MACF1: variants seen among roughly 807,000 people sequenced by gnomAD.
MACF1 encodes microtubule-actin cross-linking factor 1.
MACF1 carries 193 observed loss-of-function variants against 854.8 expected under a neutral mutation model. The ratio of observed to expected loss-of-function variants is 0.23; its 90% CI spans 0.20 to 0.25. The LOEUF (loss-of-function observed/expected upper bound fraction) is 0.25. Among genes scored for constraint, MACF1 ranks in the 10% least tolerant of loss-of-function variants. The pLI, the probability that MACF1 is intolerant of heterozygous loss-of-function variation, is 1.00. For missense variants in MACF1, 7,722 were observed against 8,929.1 expected (o/e 0.86, Z 5.45); for synonymous variants, 3,185 against 3,226.7 (o/e 0.99, Z 0.44).
chr1:39,251,857 G>T lies in MACF1; in HGVS notation c.273G>T (p.Gly91=), dbSNP rs769106645. The T allele has an allele frequency of 6.7e-7, 1 of 1,485,586 alleles. No homozygotes were observed. The highest frequency in any genetic ancestry group is 1.3e-5 in the South Asian group (1 of 76,288). The allele number at this position is 1,485,586 out of a possible 1,614,324, so 92.0% of individuals were successfully genotyped here. ...VLSGIKLEPA[G]LKTLRLVSMP... is the part of the protein sequence containing the mutation. ...GTTGGTGGCCAAAGGAGCCAGCAGG[G>T]CTGAAGACCCTCCGTCTGGTGAGCA... The change falls in exon 4 of 101, where the codon GGG becomes GGT. Residue 91 remains glycine, a synonymous_variant. Coordinates refer to ENST00000564288, the MANE Select transcript of MACF1 (RefSeq NM_001394062.1).
intron 5 of MACF1, among the ~76,000 whole-genome samples, chr1:39,257,205 T>C (rs879536169): frequency 7.2e-5 from 11 of 152,224 alleles, no homozygotes; most frequent in Non-Finnish European, 7.3e-5. Context: ...CATATCTCTA[T>C]AATGGAATAC....
rs532561563 is a variant in MACF1 at position 39,334,173 on chromosome 1, G to A, written c.7585G>A (p.Glu2529Lys). ...DNAFRHGLIGEDLAEKLKRVE... is the reference protein window; with the variant it reads ...DNAFRHGLIGKDLAEKLKRVE... ...TGCCTTCAGACATGGCTTAATTGGT[G>A]AAGATTTAGCCGAGAAACTCAAAAG... Residue 2529 changes from glutamate to lysine, a missense_variant, in exon 37 of 101, where the codon GAA (glutamate) becomes AAA (lysine). Transcript: ENST00000564288. The A allele has an allele frequency of 3.7e-6, 6 of 1,614,070 alleles. No homozygotes were observed. The South Asian group carries it at 4.4e-5, about 12-fold the overall frequency.
At chr1:39,163,236 A>G (rs1571119989) in intron 2 of MACF1, among the ~76,000 whole-genome samples, 1 of 150,830 alleles carries the variant, frequency 6.6e-6, no homozygotes, top group East Asian at 2.0e-4. Context: ...CTGTAGTCCC[A>G]GCTCCTCAGG....
At chr1:39,173,675 A>G (rs1475846995) in intron 2 of MACF1, among the ~76,000 whole-genome samples, 2 of 152,112 alleles carry the variant, frequency 1.3e-5, no homozygotes, top group African/African-American at 4.8e-5. Flanking sequence ...CCAGACCTAG[A>G]CCCTGGAGTT....
intron 2 of MACF1, among the ~76,000 whole-genome samples, chr1:39,233,931 C>T (rs1393988083): frequency 2.8e-5 from 4 of 145,316 alleles, no homozygotes; most frequent in African/African-American, 5.0e-5. Context: ...GCAGAGGACC[C>T]TGCGGCCTTC....
At chr1:39,117,596 C>T (rs1171593842) in intron 2 of MACF1, among the ~76,000 whole-genome samples, 2 of 150,712 alleles carry the variant, frequency 1.3e-5, no homozygotes. Context: ...TGTGGCTTCA[C>T]CTGTTGCCAT....
chr1:39,382,402 G>A (rs1023332651), intron 56 of MACF1, among the ~76,000 whole-genome samples: 1 of 151,982 alleles, frequency 6.6e-6, no homozygotes, highest in Non-Finnish European at 1.5e-5. Context: ...TGACTAAATT[G>A]TGGAATTACA....
chr1:39,355,153 C>G (rs1438974823), intron 44 of MACF1, among the ~76,000 whole-genome samples: 2 of 152,160 alleles, frequency 1.3e-5, no homozygotes, highest in Non-Finnish European at 2.9e-5. Context: ...GGATTTCTGC[C>G]TCTTGCATGA....
intron 2 of MACF1, among the ~76,000 whole-genome samples, chr1:39,247,094 ACGGAGTTT>A (rs1644990038): frequency 1.3e-5 from 1 of 77,368 alleles, no homozygotes; most frequent in Non-Finnish European, 2.4e-5. Context: ...TTTTTTTGAG[ACGGAGTTT>A]CGCTCTGTTG....
chr1:39,370,508 A>G (rs1043754391), intron 51 of MACF1, among the ~76,000 whole-genome samples: 3 of 152,222 alleles, frequency 2.0e-5, no homozygotes, highest in African/African-American at 7.2e-5. Flanking sequence ...GTTGGAAGGT[A>G]CCTTCAAGGA....
chr1:39,273,707 C>T (rs1012133217), intron 6 of MACF1, among the ~76,000 whole-genome samples: 7 of 152,244 alleles, frequency 4.6e-5, no homozygotes, highest in Admixed American at 2.6e-4. Flanking sequence ...ACGCCATTCT[C>T]CTGCCTCAGA....
Position 39,361,018 on chromosome 1 carries a change from AAGAGCTAGCATAGAGG to A in MACF1, c.12453+18_12453+33del, listed in dbSNP as rs764555087. ...ACAAATATGGTAAGATCTGTGTCCC[AAGAGCTAGCATAGAGG>A]GTATGTTTGCTATGTGCCATCATTA... On this transcript the variant is annotated intron_variant, in intron 48 of 100. Transcript: ENST00000564288. 1 of 1,606,488 alleles carries A rather than the reference AAGAGCTAGCATAGAGG, an allele frequency of 6.2e-7. No individual in the cohort carries two copies. Among genetic ancestry groups the A allele is most frequent in the South Asian group, 1.1e-5 (1 of 90,908 alleles).
At chr1:39,107,308 G>A (rs12744657) in intron 2 of MACF1, among the ~76,000 whole-genome samples, 2 of 152,038 alleles carry the variant, frequency 1.3e-5, no homozygotes, top group African/African-American at 4.8e-5. Context: ...GCTTGTTCCA[G>A]GAGAGACCTC....
chr1:39,463,174 A>G (rs1186701302), intron 93 of MACF1, among the ~76,000 whole-genome samples: 1 of 152,226 alleles, frequency 6.6e-6, no homozygotes, highest in East Asian at 1.9e-4. Flanking sequence ...GTATATGTCA[A>G]AAGCCTGAAA....
rs543765268 is a variant in MACF1 at position 39,244,158 on chromosome 1, G to A, written c.172-5856G>A. 5.5e-4 allele frequency among the ~76,000 whole-genome samples: 84 copies of A among 152,136 alleles called. 1 individual carries two copies. The highest frequency in any genetic ancestry group is 8.5e-4 in the Non-Finnish European group (58 of 67,996). ...CTCACTCTGTTGCTCAGGCTGGAGT[G>A]CAGTGGCACAATCTCGGCTCACTGC... is the stretch of plus-strand genomic sequence containing the variant. On this transcript the variant is annotated intron_variant, in intron 2 of 100. Transcript: ENST00000564288.
chr1:39,452,036 C>T, intron 85 of MACF1, 120 bp from the exon 86 acceptor site: 1 of 848,160 alleles, frequency 1.2e-6, no homozygotes. Flanking sequence ...CATTGCTCTG[C>T]CTCCCTCTAT....
chr1:39,406,390 T>TG (rs1268988478), intron 58 of MACF1, among the ~76,000 whole-genome samples: 1 of 152,112 alleles, frequency 6.6e-6, no homozygotes, highest in African/African-American at 2.4e-5. Flanking sequence ...ATACCTGACT[T>TG]GGTGAGGAAA....
intron 1 of MACF1, among the ~76,000 whole-genome samples, chr1:39,228,781 G>A (rs553176079): frequency 4.6e-4 from 70 of 152,284 alleles, no homozygotes; most frequent in African/African-American, 1.4e-3. Flanking sequence ...AGCCTCCCGA[G>A]TAGCTGGGAT....
rs532337463 is a variant in MACF1, at chr1:39,210,212, CTG to C, written c.109+5087_109+5088del. Among the ~76,000 whole-genome samples the C allele has an allele frequency of 3.8e-3, 577 of 152,196 alleles. 2 individuals are homozygous for C. Among genetic ancestry groups the C allele is most frequent in the Non-Finnish European group, 5.9e-3 (403 of 68,012 alleles). On this transcript the variant is annotated intron_variant, in intron 1 of 100. Transcript: ENST00000564288. ...TTAATTCTTCCATTTATGGCAATAA[CTG>C]TGTGTCCTCCATTTGTGTCATCTAC...
Sources: gnomAD v4.1 joint callset for allele counts (sites outside exome capture counted in the v4.1 genomes callset) on GRCh38, gnomAD v4.1.1 for gene constraint, MANE v1.5 for transcripts, NCBI Gene and HGNC (gene_info 2026-07-23, HGNC 2026-07-21) for gene names.